The following DDR2 variants were observed in gnomAD, a reference collection of about 807,000 sequenced individuals.
DDR2 encodes discoidin domain-containing receptor 2.
In DDR2, 27 loss-of-function variants were observed where a neutral mutation model predicts 94.9. The ratio of observed to expected loss-of-function variants is 0.28; its 90% CI spans 0.21 to 0.39. The LOEUF is 0.39. Among genes scored for constraint, DDR2 ranks in the 10% least tolerant of loss-of-function variants. The probability of loss-of-function intolerance (pLI) is 1.00; values close to 1 mark genes in which losing one functional copy is unlikely to be tolerated. For synonymous variants in DDR2, 382 were observed against 377.2 expected (o/e 1.01, Z -0.15); for missense variants, 783 against 1,076.0 (o/e 0.73, Z 3.81).
intron 2 of DDR2, among the ~76,000 whole-genome samples, chr1:162,660,272 C>A (rs546526668): frequency 6.6e-6 from 1 of 152,120 alleles, no homozygotes; most frequent in African/African-American, 2.4e-5. Flanking sequence ...CAAACATTTT[C>A]GCTTTTGTGT....
rs985890105 is a variant in DDR2 at position 162,729,918 on chromosome 1, T to C, written c.82+10773T>C. 4.6e-5 allele frequency among the ~76,000 whole-genome samples: 7 copies of C among 151,724 alleles called. No homozygotes were observed. The South Asian group carries it at 1.2e-3, about 27-fold the overall frequency. On this transcript the variant is annotated intron_variant, in intron 3 of 17. Transcript: ENST00000367921. ...ACCACCACGCCTGGCTAATTTTGTA[T>C]TTTTAGTAGGGACGAGGTTTCTCCA...
At chr1:162,728,048 T>G (rs1333866620) in intron 3 of DDR2, among the ~76,000 whole-genome samples, 1 of 140,852 alleles carries the variant, frequency 7.1e-6, no homozygotes. Context: ...TATATATCTA[T>G]ATATAGATAT....
chr1:162,648,163 G>A (rs1657506610), intron 1 of DDR2, among the ~76,000 whole-genome samples: 1 of 151,614 alleles, frequency 6.6e-6, no homozygotes, highest in African/African-American at 2.4e-5. Flanking sequence ...AGCAGTAAAA[G>A]AGCAATGCAA....
At chr1:162,703,533 T>C (rs1469338118) in intron 2 of DDR2, among the ~76,000 whole-genome samples, 1 of 152,162 alleles carries the variant, frequency 6.6e-6, no homozygotes, top group Non-Finnish European at 1.5e-5. Flanking sequence ...TGGCTTAAGT[T>C]CCTGAGGTAG....
chr1:162,674,360 C>T (rs1321716177), intron 2 of DDR2, among the ~76,000 whole-genome samples: 1 of 152,188 alleles, frequency 6.6e-6, no homozygotes, highest in Non-Finnish European at 1.5e-5. Context: ...GGTCTGCTCT[C>T]ACCAAAAGCA....
At position 162,754,866 on chromosome 1, in the gene DDR2, G is replaced by C. The variant is rs555520533; in HGVS notation, c.417+11G>C. 6.2e-7 allele frequency: 1 copy of C among 1,613,812 alleles called. No homozygotes were observed. The highest frequency in any genetic ancestry group is 1.3e-5 in the African/African-American group (1 of 74,988). ...CGTCATGGGAAACAGGTAGGAAGAA[G>C]AGACATCCAGATCCTGGATGTCCAA... On this transcript the variant is annotated intron_variant, in intron 5 of 17. Transcript: ENST00000367921.
intron 3 of DDR2, among the ~76,000 whole-genome samples, chr1:162,729,300 A>ATATATATTTTTTTTTT (rs1416872679): frequency 1.1e-4 from 10 of 94,000 alleles, no homozygotes; most frequent in African/African-American, 5.3e-4. Context: ...ATATATATAT[A>ATATATATTTTTTTTTT]TTTTTTTTTT....
intron 3 of DDR2, among the ~76,000 whole-genome samples, chr1:162,720,240 A>T (rs1220039704): frequency 2.0e-5 from 3 of 152,068 alleles, no homozygotes; most frequent in Non-Finnish European, 1.5e-5. Flanking sequence ...GAACACATCT[A>T]AACAGTACCT....
intron 3 of DDR2, among the ~76,000 whole-genome samples, chr1:162,747,201 C>T (rs1338248115): frequency 6.6e-6 from 1 of 152,092 alleles, no homozygotes; most frequent in Non-Finnish European, 1.5e-5. Context: ...TTAAAAATAT[C>T]AGTAATAACA....
At chr1:162,688,096 C>T (rs1486585124) in intron 2 of DDR2, among the ~76,000 whole-genome samples, 1 of 152,210 alleles carries the variant, frequency 6.6e-6, no homozygotes, top group Non-Finnish European at 1.5e-5. Context: ...GTTGAAAGAG[C>T]CACTGCTCTG....
At position 162,698,493 on chromosome 1, in the gene DDR2, C is replaced by A. The variant is rs372816619; in HGVS notation, c.-27-20544C>A. Reference sequence around the variant, plus strand: ...CAATATATTTACTACACTCTCCCTTCTCCTTTATTTTTTACTTCTGGATGT... The same window carrying A: ...CAATATATTTACTACACTCTCCCTTATCCTTTATTTTTTACTTCTGGATGT... On this transcript the variant is annotated intron_variant, in intron 2 of 17. Transcript: ENST00000367921. Among the ~76,000 whole-genome samples, 3 of 152,168 alleles carry A rather than the reference C, an allele frequency of 2.0e-5. No homozygotes were observed. In the East Asian group the frequency reaches 5.8e-4, roughly 29 times the overall value.
intron 3 of DDR2, chr1:162,741,494 C>A: frequency 2.8e-6 from 2 of 720,296 alleles, no homozygotes; most frequent in Non-Finnish European, 3.4e-6. Context: ...GTGTACTCTG[C>A]CAACTACATA....
At chr1:162,674,010 A>C (rs1041634258) in intron 2 of DDR2, among the ~76,000 whole-genome samples, 2 of 152,046 alleles carry the variant, frequency 1.3e-5, no homozygotes, top group African/African-American at 4.8e-5. Flanking sequence ...CCTCCAATTT[A>C]TATCTCTAGC....
intron 2 of DDR2, among the ~76,000 whole-genome samples, chr1:162,659,545 C>G (rs1658186785): frequency 6.6e-6 from 1 of 152,064 alleles, no homozygotes; most frequent in Admixed American, 6.5e-5. Flanking sequence ...AAAGAGGACA[C>G]TTGCCAGAAT....
At chr1:162,666,335 C>T (rs180928515) in intron 2 of DDR2, among the ~76,000 whole-genome samples, 1 of 152,266 alleles carries the variant, frequency 6.6e-6, no homozygotes, top group Admixed American at 6.5e-5. Flanking sequence ...CTTGCTGGGA[C>T]CAAGTATGGT....
chr1:162,687,413 G>A (rs182330149), intron 2 of DDR2, among the ~76,000 whole-genome samples: 240 of 152,290 alleles, frequency 1.6e-3, no homozygotes, highest in African/African-American at 5.3e-4. Context: ...CCATAGCAAC[G>A]TTGAGAGCTT....
chr1:162,737,158 AAT>A (rs1491185240), intron 3 of DDR2, among the ~76,000 whole-genome samples: 2 of 36,946 alleles, frequency 5.4e-5, no homozygotes, highest in Non-Finnish European at 2.0e-4. Flanking sequence ...TTTTTGGAAT[AAT>A]TTTTTTTTTT....
In DDR2 at chr1:162,754,618, C is replaced by G; in HGVS notation, c.186-6C>G. ...CTCCCTCTCTCCCCAACCCTCACCT[C>G]TCAAGGCTGGACTCAGAAGAAGGGG... On this transcript the variant is annotated splice_region_variant and splice_polypyrimidine_tract_variant and intron_variant, in intron 4 of 17. Coordinates refer to ENST00000367921, the MANE Select transcript of DDR2 (RefSeq NM_006182.4). The G allele has an allele frequency of 1.9e-6, 3 of 1,614,106 alleles. No homozygotes were observed. The highest frequency in any genetic ancestry group is 2.5e-6 in the Non-Finnish European group (3 of 1,179,966).
Position 162,706,954 on chromosome 1 carries a change from T to C in DDR2, c.-27-12083T>C, listed in dbSNP as rs116701765. 7.0e-3 allele frequency among the ~76,000 whole-genome samples: 1,062 copies of C among 152,314 alleles called. 20 individuals carry two copies. The highest frequency in any genetic ancestry group is 0.025 in the African/African-American group (1,026 of 41,570). Reference sequence around the variant, plus strand: ...CTTCTCTTGATCAATGACTTTATTATCTTGGCAAGGATTGCAGAAACTGTA... The same window carrying C: ...CTTCTCTTGATCAATGACTTTATTACCTTGGCAAGGATTGCAGAAACTGTA... On this transcript the variant is annotated intron_variant, in intron 2 of 17. Transcript: ENST00000367921.
Sources: allele counts gnomAD v4.1 joint callset (sites outside exome capture counted in the v4.1 genomes callset), GRCh38; gene constraint gnomAD v4.1.1; transcripts MANE v1.5; gene names NCBI Gene and HGNC (gene_info 2026-07-23, HGNC 2026-07-21).